The following TDRD9 variants were observed in gnomAD, a reference collection of about 807,000 sequenced individuals.
TDRD9 encodes tudor domain containing 9.
A neutral mutation model predicts 172.6 loss-of-function variants in TDRD9; 124 were observed. That is an observed-to-expected ratio of 0.72 (90% CI 0.62 to 0.83). The LOEUF is 0.83. TDRD9 is among the 40% of genes least tolerant of loss of function. The probability of loss-of-function intolerance (pLI) is 0.00; values close to 1 mark genes in which losing one functional copy is unlikely to be tolerated. For synonymous variants in TDRD9, 619 were observed against 617.1 expected (o/e 1.00, Z -0.05); for missense variants, 1,479 against 1,714.1 (o/e 0.86, Z 2.42).
chr14:103,986,427 C>G, intron 8 of TDRD9, 107 bp downstream of exon 8: 1 of 757,930 alleles, frequency 1.3e-6, no homozygotes, highest in South Asian at 1.9e-5. Context: ...ACTATAGGTA[C>G]TTTTTTAGTA....
chr14:103,971,947 A>G (rs1048606360), intron 6 of TDRD9, among the ~76,000 whole-genome samples: 10 of 152,086 alleles, frequency 6.6e-5, no homozygotes, highest in African/African-American at 1.9e-4. Flanking sequence ...CTTGAGCCCA[A>G]GGAGATCAAG....
intron 8 of TDRD9, among the ~76,000 whole-genome samples, chr14:103,987,161 CA>C (rs2033701656): frequency 6.9e-6 from 1 of 145,818 alleles, no homozygotes; most frequent in African/African-American, 2.6e-5. Flanking sequence ...CACACACACA[CA>C]CCATATGATT....
Position 103,928,618 on chromosome 14 carries a change from G to T in TDRD9, c.109G>T (p.Ala37Ser). Residue 37 changes from alanine to serine, a missense_variant, in exon 1 of 36, where the codon GCC (alanine) becomes TCC (serine). Physicochemically the swap from Ala to Ser is moderately conservative, Grantham distance 99. Coordinates refer to ENST00000409874, the MANE Select transcript of TDRD9 (RefSeq NM_153046.3). Reference protein sequence around the residue: ...GAPPAFPAGAAREEVQRQDVA... With the variant: ...GAPPAFPAGASREEVQRQDVA... Reference sequence around the variant, plus strand: ...GCCGCCCGCCTTCCCGGCAGGGGCGGCCAGGGAGGAGGTGCAGCGCCAGGA... The same window carrying T: ...GCCGCCCGCCTTCCCGGCAGGGGCGTCCAGGGAGGAGGTGCAGCGCCAGGA... 7.6e-7 allele frequency: 1 copy of T among 1,322,182 alleles called. No individual in the cohort carries two copies. 81.9% of individuals were successfully genotyped at this position (1,322,182 alleles called of 1,614,324 possible).
At chr14:104,016,292 C>T (rs913939668) in intron 22 of TDRD9, among the ~76,000 whole-genome samples, 2 of 152,176 alleles carry the variant, frequency 1.3e-5, no homozygotes, top group Admixed American at 6.5e-5. Context: ...CCTCCTTTTA[C>T]AGACCTGGCC....
intron 1 of TDRD9, among the ~76,000 whole-genome samples, chr14:103,930,638 G>T (rs558576367): frequency 2.0e-5 from 3 of 152,098 alleles, no homozygotes; most frequent in African/African-American, 4.8e-5. Context: ...AGAGGCATAG[G>T]GGGGACCGAG....
chr14:104,006,704 A>T lies in TDRD9; in HGVS notation c.1938A>T (p.Gly646=). Residue 646 remains glycine (G), a synonymous_variant, in exon 17 of 36, where the codon GGA becomes GGT. Coordinates refer to ENST00000409874, the MANE Select transcript of TDRD9 (RefSeq NM_153046.3). ...FAMPFRQHLD[G]YRNKVNFSGS... ...TGCCTTTCCGGCAGCATCTCGATGG[A>T]TATAGGTACTGAACATTCATATTTT... 6.2e-7 allele frequency: 1 copy of T among 1,613,974 alleles called. No individual in the cohort carries two copies. Among genetic ancestry groups the T allele is most frequent in the Non-Finnish European group, 8.5e-7 (1 of 1,179,862 alleles).
rs749240440 is a variant in TDRD9, at chr14:103,994,594, G to A, written c.1311G>A (p.Gly437=). ...ATGTCTTTTTAAGTCCAGTCCCTGG[G>A]TACAGAAAGGTAGGAAAACTGGGAA... ...QNNVFLSPVP[G]YRKIILSTNI... is the part of the protein sequence containing the mutation. Residue 437 remains glycine, a synonymous_variant, in exon 11 of 36, where the codon GGG becomes GGA. Coordinates refer to ENST00000409874, the MANE Select transcript of TDRD9 (RefSeq NM_153046.3). 2 of 1,612,482 alleles carry A rather than the reference G, an allele frequency of 1.2e-6. No homozygotes were observed. Among genetic ancestry groups the A allele is most frequent in the East Asian group, 2.2e-5 (1 of 44,870 alleles).
intron 5 of TDRD9, among the ~76,000 whole-genome samples, chr14:103,968,764 C>G: frequency 1.6e-5 from 1 of 60,628 alleles, no homozygotes; most frequent in Non-Finnish European, 3.5e-5. Context: ...CCACTGCACT[C>G]CAGCCTGGGC....
At chr14:103,984,622 G>A (rs2033597792) in intron 7 of TDRD9, among the ~76,000 whole-genome samples, 1 of 152,206 alleles carries the variant, frequency 6.6e-6, no homozygotes, top group South Asian at 2.1e-4. Context: ...GTAGAAGTTT[G>A]CTGCAGGGGC....
chr14:104,024,489 C>A lies in TDRD9; in HGVS notation c.2607-80C>A, dbSNP rs1180834883. Reference sequence around the variant, plus strand: ...TTCTTGTAGAAATATTAGAATAGTTCAAGTGATAATTTCACATATGTAAAT... The same window carrying A: ...TTCTTGTAGAAATATTAGAATAGTTAAAGTGATAATTTCACATATGTAAAT... On this transcript the variant is annotated intron_variant, in intron 24 of 35. Transcript: ENST00000409874. 5 of 711,176 alleles carry A rather than the reference C, an allele frequency of 7.0e-6. No homozygotes were observed. The East Asian group carries it at 1.1e-4, about 16-fold the overall frequency. 44.1% of individuals were successfully genotyped at this position (711,176 alleles called of 1,614,324 possible).
At chr14:104,000,004 GTT>G (rs972643026) in intron 13 of TDRD9, among the ~76,000 whole-genome samples, 24 of 152,098 alleles carry the variant, frequency 1.6e-4, no homozygotes, top group African/African-American at 4.8e-4. Flanking sequence ...CTAGAGAGGG[GTT>G]AAGAGAATGA....
At chr14:104,012,912 T>A (rs2034658685) in intron 20 of TDRD9, among the ~76,000 whole-genome samples, 2 of 152,134 alleles carry the variant, frequency 1.3e-5, no homozygotes, top group African/African-American at 4.8e-5. Context: ...TTTTTAAATA[T>A]CTTTTTGTTG....
At chr14:104,047,861 T>C (rs1486524634) in intron 34 of TDRD9, among the ~76,000 whole-genome samples, 1 of 152,220 alleles carries the variant, frequency 6.6e-6, no homozygotes, top group Non-Finnish European at 1.5e-5. Flanking sequence ...CTGTTGTTTC[T>C]TTGGTAGTTT....
intron 34 of TDRD9, among the ~76,000 whole-genome samples, chr14:104,042,668 C>G (rs2035643155): frequency 6.6e-6 from 1 of 152,224 alleles, no homozygotes; most frequent in Non-Finnish European, 1.5e-5. Context: ...AGCCCATGAG[C>G]CCAAGGCAGC....
intron 35 of TDRD9, among the ~76,000 whole-genome samples, chr14:104,050,225 C>T (rs1194182825): frequency 3.3e-5 from 5 of 152,276 alleles, no homozygotes; most frequent in South Asian, 4.2e-4. Flanking sequence ...TGTGCCCTCA[C>T]GTGAAAGAGA....
chr14:104,001,902 C>A lies in TDRD9; in HGVS notation c.1484-2336C>A, dbSNP rs180958994. On this transcript the variant is annotated intron_variant, in intron 13 of 35. Coordinates refer to ENST00000409874, the MANE Select transcript of TDRD9 (RefSeq NM_153046.3). Reference sequence around the variant, plus strand: ...GATTACAGGCATGAGCCACTGTGCCCGGCCTATGTTTAGTTTTATAAGGAA... The same window carrying A: ...GATTACAGGCATGAGCCACTGTGCCAGGCCTATGTTTAGTTTTATAAGGAA... Among the ~76,000 whole-genome samples the A allele has an allele frequency of 4.1e-4, 63 of 151,858 alleles. 5 individuals are homozygous for A. In the East Asian group the frequency reaches 6.8e-3, roughly 16 times the overall value.
intron 13 of TDRD9, 79 bp downstream of exon 13, chr14:103,998,807 C>A: frequency 1.6e-6 from 1 of 637,638 alleles, no homozygotes; most frequent in Non-Finnish European, 2.7e-6. Context: ...TTTTTTTTTT[C>A]TCTGAGACGG....
chr14:103,933,006 G>A (rs2030504322), intron 1 of TDRD9, among the ~76,000 whole-genome samples: 1 of 152,180 alleles, frequency 6.6e-6, no homozygotes. Flanking sequence ...TCTTGCTCAT[G>A]CTGAAGGTGA....
rs1347639713 is a variant in TDRD9, at chr14:104,002,948, C to T, written c.1484-1290C>T. On this transcript the variant is annotated intron_variant, in intron 13 of 35. Transcript: ENST00000409874. ...GTTTCACCATGTTGGCCAGGATGGT[C>T]TCCATCTCTTTACCTCGTGATCTGC... Among the ~76,000 whole-genome samples, 3 of 152,058 alleles carry T rather than the reference C, an allele frequency of 2.0e-5. No homozygotes were observed. The East Asian group carries it at 5.8e-4, about 29-fold the overall frequency.
Sources: allele counts gnomAD v4.1 joint callset (sites outside exome capture counted in the v4.1 genomes callset), GRCh38; gene constraint gnomAD v4.1.1; transcripts MANE v1.5; gene names NCBI Gene and HGNC (gene_info 2026-07-23, HGNC 2026-07-21).